Variants in FNTB observed in about 807,000 individuals in gnomAD.
The protein encoded by FNTB is farnesyltransferase, CAAX box, subunit beta.
FNTB carries 27 observed loss-of-function variants against 59.4 expected under a neutral mutation model. The ratio of observed to expected loss-of-function variants is 0.45; its 90% CI spans 0.34 to 0.63. The LOEUF (loss-of-function observed/expected upper bound fraction) is 0.63, where lower values mean the gene tolerates loss of function less well. Among genes scored for constraint, FNTB ranks in the 20% least tolerant of loss-of-function variants. FNTB has a pLI of 0.02. For synonymous variants in FNTB, 230 were observed against 220.7 expected, an observed-to-expected ratio of 1.04 and a Z score of -0.37; for missense variants, 449 against 559.6, an observed-to-expected ratio of 0.80 and a Z score of 1.99.
At chr14:65,002,853 A>G (rs1386151869) in intron 1 of FNTB, among the ~76,000 whole-genome samples, 2 of 152,134 alleles carry the variant, frequency 1.3e-5, no homozygotes, top group Non-Finnish European at 2.9e-5. Flanking sequence ...TCTCAGGCAG[A>G]TCCTGTTCCT....
chr14:65,008,616 A>G (rs993672179), intron 2 of FNTB, among the ~76,000 whole-genome samples: 1 of 152,248 alleles, frequency 6.6e-6, no homozygotes, highest in African/African-American at 2.4e-5. Flanking sequence ...TGTAGGTGGA[A>G]TAGGGGTGGC....
chr14:65,002,557 C>T lies in FNTB; in HGVS notation c.145-1692C>T, dbSNP rs988329665. ...CCAGGAGGTGGAGGTTGCGGTGAGCCGAGATCATGCCACTACACTCCAGCC... is the reference window on the plus strand; with the variant it reads ...CCAGGAGGTGGAGGTTGCGGTGAGCTGAGATCATGCCACTACACTCCAGCC... On this transcript the variant is annotated intron_variant, in intron 1 of 11. Coordinates refer to ENST00000246166, the MANE Select transcript of FNTB (RefSeq NM_002028.4). 3.3e-5 allele frequency among the ~76,000 whole-genome samples: 5 copies of T among 151,894 alleles called. No homozygotes were observed. In the South Asian group the frequency reaches 1.0e-3, roughly 32 times the overall value.
rs1171767723 is a variant in FNTB at position 65,011,439 on chromosome 14, A to C, written c.210-878A>C. Among the ~76,000 whole-genome samples, 1 of 151,822 alleles carries C rather than the reference A, an allele frequency of 6.6e-6. No individual in the cohort carries two copies. The highest frequency in any genetic ancestry group is 1.5e-5 in the Non-Finnish European group (1 of 67,898). Reference sequence around the variant, plus strand: ...GCGAGACTCCGTCTCAGGAAAAAAAAAAAAAAAAAAAAAGACTGCATGAAG... The same window carrying C: ...GCGAGACTCCGTCTCAGGAAAAAAACAAAAAAAAAAAAAGACTGCATGAAG... On this transcript the variant is annotated intron_variant, in intron 2 of 11. Transcript: ENST00000246166. The surrounding 1 kb of genome is among the most constrained non-coding windows in gnomAD (Gnocchi z 4.0).
rs1292457144 is a variant in FNTB at position 65,040,853 on chromosome 14, C to G, written c.756C>G (p.Thr252=). The stretch of plus-strand genomic sequence containing the variant: ...GGATGGAAGCCCATGGTGGCTATAC[C>G]TTCTGTGGCCTGGCCGCGCTGGTAA... ...VPGMEAHGGY[T]FCGLAALVIL... is the part of the protein sequence containing the mutation. Residue 252 remains threonine, a synonymous_variant, in exon 8 of 12, where the codon ACC becomes ACG. Transcript: ENST00000246166. 6.2e-7 allele frequency: 1 copy of G among 1,613,976 alleles called. No individual in the cohort carries two copies. Among genetic ancestry groups the G allele is most frequent in the Non-Finnish European group, 8.5e-7 (1 of 1,179,972 alleles).
chr14:64,996,123 CAAAAAA>C (rs60137057), intron 1 of FNTB, among the ~76,000 whole-genome samples: 9 of 82,528 alleles, frequency 1.1e-4, no homozygotes, highest in Non-Finnish European at 1.5e-4. Flanking sequence ...AACTCTGTCT[CAAAAAA>C]AAAAAAAAAA....
At chr14:64,999,687 C>T (rs79100287) in intron 1 of FNTB, among the ~76,000 whole-genome samples, 1 of 151,928 alleles carries the variant, frequency 6.6e-6, no homozygotes, top group Non-Finnish European at 1.5e-5. Context: ...CTCCATGGGA[C>T]CTGTTAAGAA....
intron 4 of FNTB, among the ~76,000 whole-genome samples, chr14:65,018,978 C>T (rs921068263): frequency 6.6e-6 from 1 of 151,726 alleles, no homozygotes; most frequent in Non-Finnish European, 1.5e-5. Flanking sequence ...AGCGTGGTGG[C>T]GCATGCCTGT....
chr14:65,021,267 A>G (rs1459122627), intron 4 of FNTB, among the ~76,000 whole-genome samples: 2 of 152,212 alleles, frequency 1.3e-5, no homozygotes, highest in African/African-American at 2.4e-5. Flanking sequence ...TAGCTTCTGT[A>G]AGATTTAAAA....
chr14:65,040,297 G>GTA (rs1052430691), intron 7 of FNTB, among the ~76,000 whole-genome samples: 72 of 148,502 alleles, frequency 4.8e-4, no homozygotes, highest in African/African-American at 1.7e-3. Context: ...ATATATATAT[G>GTA]TATATATATG....
In FNTB at chr14:65,031,964, G is replaced by A. The variant is rs1377694492; in HGVS notation, c.606-646G>A. On this transcript the variant is annotated intron_variant, in intron 6 of 11. Transcript: ENST00000246166. The surrounding 1 kb of genome is among the most constrained non-coding windows in gnomAD (Gnocchi z 4.6). ...AGCAAAACAAAAAATATAGACGTGC[G>A]CCTTTTTCATTTAACGTGTGTGTGT... is the stretch of plus-strand genomic sequence containing the variant. Among the ~76,000 whole-genome samples, 6 of 148,340 alleles carry A rather than the reference G, an allele frequency of 4.0e-5. No homozygotes were observed. The highest frequency in any genetic ancestry group is 2.1e-4 in the South Asian group (1 of 4,668).
rs1358099705 is a variant in FNTB, at chr14:64,989,293, AAGT to A, written c.144+2199_144+2201del. ...CTACCAAAAAAAAAAAAAAAAAAAA[AAGT>A]AGCTGAGCGTGGTGGCATGCACCTG... On this transcript the variant is annotated intron_variant, in intron 1 of 11. Coordinates refer to ENST00000246166, the MANE Select transcript of FNTB (RefSeq NM_002028.4). Among the ~76,000 whole-genome samples, 847 of 150,138 alleles carry A rather than the reference AAGT, an allele frequency of 5.6e-3. 15 individuals are homozygous for A. Among genetic ancestry groups the A allele is most frequent in the Non-Finnish European group, 7.1e-3 (481 of 67,514 alleles).
At chr14:65,036,199 A>G (rs2062189053) in intron 7 of FNTB, among the ~76,000 whole-genome samples, 2 of 152,078 alleles carry the variant, frequency 1.3e-5, no homozygotes, top group African/African-American at 2.4e-5. Flanking sequence ...GTTTCCTTAT[A>G]TGTCAAGTGG....
At chr14:64,987,279 C>A in intron 1 of FNTB, 182 bp downstream of exon 1, 1 of 680,614 alleles carries the variant, frequency 1.5e-6, no homozygotes, top group Non-Finnish European at 2.4e-6. Flanking sequence ...AGCGTTTGCG[C>A]GGCCAGCTTG....
At chr14:65,036,755 G>A (rs36045499) in intron 7 of FNTB, among the ~76,000 whole-genome samples, 37,444 of 151,782 alleles carry the variant, frequency 0.25, 4,842 homozygotes, top group Non-Finnish European at 0.3. Context: ...GTGCAGTGGC[G>A]TAATCTCAGC....
chr14:65,008,032 G>A (rs1238445829), intron 2 of FNTB, among the ~76,000 whole-genome samples: 1 of 152,138 alleles, frequency 6.6e-6, no homozygotes, highest in Admixed American at 6.5e-5. Flanking sequence ...TCCTGTATGT[G>A]ATACAATTTT....
rs146933065 is a variant in FNTB at position 65,032,544 on chromosome 14, G to A, written c.606-66G>A. The A allele has an allele frequency of 3.2e-5, 51 of 1,579,116 alleles. No homozygotes were observed. In the East Asian group the frequency reaches 4.8e-4, roughly 15 times the overall value. On this transcript the variant is annotated intron_variant, in intron 6 of 11. Coordinates refer to ENST00000246166, the MANE Select transcript of FNTB (RefSeq NM_002028.4). The surrounding 1 kb of genome is among the most constrained non-coding windows in gnomAD (Gnocchi z 5.0). ...TAGGCAAGGCGAGCAGTCCGCCCGC[G>A]GAGTTCACTGAGCCTCATTAGCTCT...
intron 4 of FNTB, among the ~76,000 whole-genome samples, chr14:65,026,474 C>T (rs905765027): frequency 6.6e-6 from 1 of 152,194 alleles, no homozygotes; most frequent in East Asian, 1.9e-4. Context: ...CGAGTCAGTG[C>T]AGCTCCTCTT....
At position 65,012,574 on chromosome 14, in the gene FNTB, A is replaced by G. The variant is rs2061700940; in HGVS notation, c.282+185A>G. ...ACTCAGCCCTGAAAGGGCAGAACCT[A>G]GTCTCTTCCAGAGTGAGTGGAGCAC... On this transcript the variant is annotated intron_variant, in intron 3 of 11. Transcript: ENST00000246166. This position sits in a 1 kb window ranked among gnomAD's most constrained non-coding sequence, Gnocchi z 5.0. Among the ~76,000 whole-genome samples, 1 of 152,230 alleles carries G rather than the reference A, an allele frequency of 6.6e-6. No individual in the cohort carries two copies. Among genetic ancestry groups the G allele is most frequent in the Non-Finnish European group, 1.5e-5 (1 of 68,034 alleles).
intron 4 of FNTB, among the ~76,000 whole-genome samples, chr14:65,024,467 G>A (rs895514124): frequency 1.3e-5 from 2 of 152,082 alleles, no homozygotes; most frequent in African/African-American, 4.8e-5. Context: ...AGCAGGACTG[G>A]GTCTCTGTAT....
Sources: allele counts gnomAD v4.1 joint callset (sites outside exome capture counted in the v4.1 genomes callset), GRCh38; gene constraint gnomAD v4.1.1; non-coding constraint Gnocchi (gnomAD v3.1); transcripts MANE v1.5; gene names NCBI Gene and HGNC (gene_info 2026-07-23, HGNC 2026-07-21).